The following KIAA1217 variants were observed in gnomAD, a reference collection of about 807,000 sequenced individuals.
KIAA1217 encodes sickle tail protein homolog.
Under a neutral mutation model 163.9 loss-of-function variants are expected in KIAA1217, and 88 were observed. The observed-to-expected ratio is 0.54, with a 90% confidence interval of 0.45 to 0.64. The LOEUF is 0.64. KIAA1217 is among the 30% of genes least tolerant of loss of function. The pLI is 0.00. For synonymous variants in KIAA1217, 903 were observed against 923.1 expected, an observed-to-expected ratio of 0.98 and a Z score of 0.39; for missense variants, 2,372 against 2,475.0, an observed-to-expected ratio of 0.96 and a Z score of 0.88.
In KIAA1217 at chr10:24,494,300, C is replaced by A. The variant is rs939588659; in HGVS notation, c.1680-200C>A. On this transcript the variant is annotated intron_variant, in intron 6 of 20. Transcript: ENST00000376454. Reference sequence around the variant, plus strand: ...TGTGTCTTTTTTTAGCCAGTCAGGTCACTGGCTTGATACTGAACACTGATC... The same window carrying A: ...TGTGTCTTTTTTTAGCCAGTCAGGTAACTGGCTTGATACTGAACACTGATC... Among the ~76,000 whole-genome samples, 4 of 152,132 alleles carry A rather than the reference C, an allele frequency of 2.6e-5. No individual in the cohort carries two copies. In the South Asian group the frequency reaches 8.3e-4, roughly 32 times the overall value.
chr10:24,117,257 G>A (rs1326071232), intron 2 of KIAA1217, among the ~76,000 whole-genome samples: 5 of 152,040 alleles, frequency 3.3e-5, no homozygotes, highest in Admixed American at 6.5e-5. Context: ...GGCTGGTCTC[G>A]ATCTCCTGAC....
At chr10:24,044,608 T>A (rs562392287) in intron 2 of KIAA1217, among the ~76,000 whole-genome samples, 97 of 152,206 alleles carry the variant, frequency 6.4e-4, no homozygotes, top group Non-Finnish European at 1.1e-3. Context: ...TTCTTAAATT[T>A]TCTCTTCCGT....
intron 2 of KIAA1217, among the ~76,000 whole-genome samples, chr10:24,331,344 A>G (rs889445527): frequency 6.6e-6 from 1 of 152,254 alleles, no homozygotes; most frequent in Non-Finnish European, 1.5e-5. Context: ...GCATTTGGTC[A>G]TGAAAGATGT....
intron 1 of KIAA1217, among the ~76,000 whole-genome samples, chr10:23,945,075 A>AAAAAAAG (rs763057448): frequency 1.4e-5 from 2 of 146,392 alleles, no homozygotes; most frequent in African/African-American, 2.6e-5. Flanking sequence ...AAAAAAAAAA[A>AAAAAAAG]GGGTTTTAAC....
intron 1 of KIAA1217, among the ~76,000 whole-genome samples, chr10:23,735,585 C>T (rs1838746761): frequency 6.6e-6 from 1 of 151,698 alleles, no homozygotes; most frequent in Non-Finnish European, 1.5e-5. Context: ...TTTTGGGTCC[C>T]TTATCTGTGA....
chr10:24,068,728 A>G (rs2061068256), intron 2 of KIAA1217, among the ~76,000 whole-genome samples: 1 of 152,086 alleles, frequency 6.6e-6, no homozygotes, highest in African/African-American at 2.4e-5. Flanking sequence ...ATCAGATCTC[A>G]TTAGTGTTTT....
chr10:23,918,745 C>T (rs925248150), intron 1 of KIAA1217, among the ~76,000 whole-genome samples: 1 of 152,012 alleles, frequency 6.6e-6, no homozygotes, highest in South Asian at 2.1e-4. Context: ...CACACACACA[C>T]ACACACACAC....
At chr10:23,840,632 GA>G (rs1036372280) in intron 1 of KIAA1217, among the ~76,000 whole-genome samples, 2 of 152,072 alleles carry the variant, frequency 1.3e-5, no homozygotes, top group African/African-American at 2.4e-5. Context: ...AAATATGTAA[GA>G]AAAAAACATG....
chr10:23,731,734 G>T (rs1305513671), intron 1 of KIAA1217, among the ~76,000 whole-genome samples: 1 of 136,696 alleles, frequency 7.3e-6, no homozygotes, highest in Non-Finnish European at 1.5e-5. Flanking sequence ...TTAGCTGTAG[G>T]GGATTTTTTT....
intron 1 of KIAA1217, among the ~76,000 whole-genome samples, chr10:24,214,861 T>C (rs994388145): frequency 3.9e-5 from 6 of 152,202 alleles, no homozygotes; most frequent in African/African-American, 1.4e-4. Flanking sequence ...TCAGCACTGT[T>C]GCTGGCTCTG....
chr10:24,461,093 T>A (rs952970999), intron 5 of KIAA1217, among the ~76,000 whole-genome samples: 4 of 152,184 alleles, frequency 2.6e-5, no homozygotes, highest in Non-Finnish European at 2.9e-5. Context: ...TTTACCACCA[T>A]TTTCTCTCAC....
At chr10:24,365,813 T>C (rs987033356) in intron 2 of KIAA1217, among the ~76,000 whole-genome samples, 1 of 152,218 alleles carries the variant, frequency 6.6e-6, no homozygotes, top group African/African-American at 2.4e-5. Flanking sequence ...TAGCCATCTG[T>C]GTTCAAGTGT....
intron 6 of KIAA1217, among the ~76,000 whole-genome samples, chr10:24,480,902 C>T (rs1408583807): frequency 6.6e-6 from 1 of 152,080 alleles, no homozygotes; most frequent in Non-Finnish European, 1.5e-5. Flanking sequence ...AGGAAAGTAG[C>T]CAGGGTTGCA....
chr10:23,699,474 T>C lies in KIAA1217; in HGVS notation c.-321+4240T>C, dbSNP rs143712960. On this transcript the variant is annotated intron_variant, in intron 1 of 18. Transcript: ENST00000376462. The stretch of plus-strand genomic sequence containing the variant: ...CTCCTTTTGACTGCTTGTGCTCTCT[T>C]CTCCATTGGATGGTGCTTGCATCTG... 7.9e-5 allele frequency among the ~76,000 whole-genome samples: 12 copies of C among 152,264 alleles called. No homozygotes were observed. In the East Asian group the frequency reaches 2.1e-3, roughly 27 times the overall value.
chr10:24,339,455 TA>T (rs1397892085), intron 2 of KIAA1217, among the ~76,000 whole-genome samples: 45 of 152,220 alleles, frequency 3.0e-4, no homozygotes, highest in Non-Finnish European at 4.9e-4. Flanking sequence ...AGTATCAAAG[TA>T]ACATGTTTGA....
At chr10:23,911,502 ATG>A (rs140789105) in intron 1 of KIAA1217, among the ~76,000 whole-genome samples, 4 of 152,164 alleles carry the variant, frequency 2.6e-5, no homozygotes, top group Admixed American at 6.5e-5. Flanking sequence ...TTTTTTATGT[ATG>A]TGTGTGTGTG....
intron 2 of KIAA1217, among the ~76,000 whole-genome samples, chr10:24,150,373 C>T (rs2064551142): frequency 6.6e-6 from 1 of 152,170 alleles, no homozygotes; most frequent in Non-Finnish European, 1.5e-5. Context: ...AGAGAACCAT[C>T]ATTGAGAATC....
chr10:24,409,576 T>C (rs7101195), intron 3 of KIAA1217, among the ~76,000 whole-genome samples: 14,108 of 152,196 alleles, frequency 0.093, 1,484 homozygotes, highest in African/African-American at 0.26. Flanking sequence ...TTGTACACTT[T>C]AGATGTGTGC....
At chr10:23,988,331 G>C (rs1407229186) in intron 1 of KIAA1217, among the ~76,000 whole-genome samples, 1 of 152,144 alleles carries the variant, frequency 6.6e-6, no homozygotes, top group African/African-American at 2.4e-5. Context: ...TATAATGACT[G>C]GTTTCAGAGA....
Sources: allele counts gnomAD v4.1 joint callset (sites outside exome capture counted in the v4.1 genomes callset), GRCh38; gene constraint gnomAD v4.1.1; transcripts MANE v1.5; gene names NCBI Gene and HGNC (gene_info 2026-07-23, HGNC 2026-07-21).